Variants in TBC1D14 observed in about 807,000 individuals in gnomAD.
The protein encoded by TBC1D14 is TBC1 domain family, member 14.
TBC1D14 carries 26 observed loss-of-function variants against 79.0 expected under a neutral mutation model. That is an observed-to-expected ratio of 0.33 (90% CI 0.24 to 0.46). The LOEUF is 0.46. Among genes scored for constraint, TBC1D14 ranks in the 20% least tolerant of loss-of-function variants. TBC1D14 has a pLI of 1.00. For synonymous variants in TBC1D14, 394 were observed against 349.9 expected (o/e 1.13, Z -1.40); for missense variants, 769 against 887.6 (o/e 0.87, Z 1.70).
intron 2 of TBC1D14, among the ~76,000 whole-genome samples, chr4:6,950,703 A>G (rs73799038): frequency 0.017 from 2,602 of 152,296 alleles, 83 homozygotes; most frequent in African/African-American, 0.058. Context: ...TCTCCTTTAC[A>G]TGGTAAAGAA....
chr4:6,982,050 C>A (rs1717422191), intron 3 of TBC1D14, among the ~76,000 whole-genome samples: 1 of 152,180 alleles, frequency 6.6e-6, no homozygotes, highest in Admixed American at 6.5e-5. Context: ...AATGGTACAG[C>A]CATTCTGGAA....
chr4:7,011,493 C>G (rs934755782), intron 11 of TBC1D14, among the ~76,000 whole-genome samples: 2 of 152,126 alleles, frequency 1.3e-5, no homozygotes, highest in African/African-American at 2.4e-5. Context: ...AGCCCTTGTT[C>G]TTTCTGTAGC....
chr4:6,992,700 A>G (rs1167265162), intron 3 of TBC1D14, among the ~76,000 whole-genome samples: 1 of 152,178 alleles, frequency 6.6e-6, no homozygotes, highest in Non-Finnish European at 1.5e-5. Context: ...TTGATTTCCT[A>G]TGAAATTGGA....
intron 3 of TBC1D14, among the ~76,000 whole-genome samples, chr4:6,970,449 T>C (rs1425351889): frequency 1.3e-5 from 2 of 152,276 alleles, no homozygotes; most frequent in Admixed American, 6.5e-5. Context: ...TATTTGCTGT[T>C]ACCGTTGTTT....
At chr4:6,947,405 G>A (rs928900924) in intron 2 of TBC1D14, among the ~76,000 whole-genome samples, 9 of 152,074 alleles carry the variant, frequency 5.9e-5, no homozygotes, top group Admixed American at 2.6e-4. Context: ...GGCTAAGGCA[G>A]GAGAGTGGCG....
At chr4:6,920,713 G>C (rs1023989239) in intron 1 of TBC1D14, among the ~76,000 whole-genome samples, 1 of 152,186 alleles carries the variant, frequency 6.6e-6, no homozygotes, top group East Asian at 1.9e-4. Flanking sequence ...GCCCAGGAGC[G>C]TGTGAGTCCA....
chr4:6,976,579 A>G (rs1716732284), intron 3 of TBC1D14, among the ~76,000 whole-genome samples: 1 of 152,230 alleles, frequency 6.6e-6, no homozygotes, highest in South Asian at 2.1e-4. Context: ...AATGCCCTTC[A>G]GGAATGAAAG....
chr4:7,027,320 G>GT (rs1722479948), intron 13 of TBC1D14, among the ~76,000 whole-genome samples: 1 of 97,942 alleles, frequency 1.0e-5, no homozygotes, highest in Non-Finnish European at 2.0e-5. Flanking sequence ...ACACCTATAC[G>GT]TACACAATCA....
At chr4:6,911,515 C>T (rs1391743618) in intron 1 of TBC1D14, among the ~76,000 whole-genome samples, 1 of 152,266 alleles carries the variant, frequency 6.6e-6, no homozygotes, top group Non-Finnish European at 1.5e-5. Context: ...CGTCTGCCCC[C>T]AGCCTACCCT....
chr4:6,979,907 A>C (rs868811836), intron 3 of TBC1D14, among the ~76,000 whole-genome samples: 1 of 152,244 alleles, frequency 6.6e-6, no homozygotes, highest in South Asian at 2.1e-4. Flanking sequence ...TGCAAAATAC[A>C]TGAAGCAAAG....
chr4:6,912,994 A>C (rs181793359), intron 1 of TBC1D14, among the ~76,000 whole-genome samples: 3 of 151,836 alleles, frequency 2.0e-5, no homozygotes, highest in African/African-American at 7.3e-5. Flanking sequence ...GTTCTGTTCT[A>C]TTCTATTCTA....
intron 3 of TBC1D14, among the ~76,000 whole-genome samples, chr4:6,982,314 C>T (rs553109948): frequency 2.6e-4 from 39 of 152,246 alleles, no homozygotes; most frequent in African/African-American, 7.7e-4. Context: ...TTGGGTGAAC[C>T]TCGGGCATTA....
chr4:6,988,885 CTT>C (rs34268749), intron 3 of TBC1D14, among the ~76,000 whole-genome samples: 870 of 76,742 alleles, frequency 0.011, 2 homozygotes, highest in African/African-American at 0.045. Context: ...TTCTTTCTTT[CTT>C]TTTTTTTTTT....
intron 2 of TBC1D14, among the ~76,000 whole-genome samples, chr4:6,965,001 G>A (rs1715573204): frequency 6.6e-6 from 1 of 152,138 alleles, no homozygotes; most frequent in Non-Finnish European, 1.5e-5. Context: ...GAGATACCAT[G>A]TCTGTTTACC....
At chr4:7,028,263 A>G (rs551039060) in intron 13 of TBC1D14, among the ~76,000 whole-genome samples, 19 of 152,272 alleles carry the variant, frequency 1.2e-4, no homozygotes, top group African/African-American at 4.3e-4. Context: ...AACCCAGATC[A>G]GCCATTTTGA....
intron 2 of TBC1D14, among the ~76,000 whole-genome samples, chr4:6,956,674 G>A (rs1714672044): frequency 6.6e-6 from 1 of 152,254 alleles, no homozygotes; most frequent in Admixed American, 6.5e-5. Flanking sequence ...GGCTGGCATA[G>A]CCACTGCTTG....
intron 2 of TBC1D14, among the ~76,000 whole-genome samples, chr4:6,934,297 G>A (rs935762891): frequency 3.9e-5 from 6 of 152,016 alleles, no homozygotes; most frequent in African/African-American, 1.4e-4. Flanking sequence ...GAGCTGGGAG[G>A]GCACGAGTGT....
intron 2 of TBC1D14, among the ~76,000 whole-genome samples, chr4:6,964,531 C>T (rs1715529988): frequency 6.6e-6 from 1 of 152,216 alleles, no homozygotes; most frequent in African/African-American, 2.4e-5. Context: ...AAGTTTTAAC[C>T]TGGTTTAATT....
intron 12 of TBC1D14, among the ~76,000 whole-genome samples, chr4:7,017,919 G>C (rs150449138): frequency 4.5e-4 from 68 of 152,342 alleles, no homozygotes; most frequent in African/African-American, 1.5e-3. Context: ...TGAAAGCTCA[G>C]ATCAGAAACA....
Sources: gnomAD v4.1 joint callset for allele counts (sites outside exome capture counted in the v4.1 genomes callset) on GRCh38, gnomAD v4.1.1 for gene constraint, MANE v1.5 for transcripts, NCBI Gene and HGNC (gene_info 2026-07-23, HGNC 2026-07-21) for gene names.